The following SLURP2 variants were observed in gnomAD, a reference collection of about 807,000 sequenced individuals.
SLURP2 encodes secreted LY6/PLAUR domain containing 2.
In SLURP2, 4 loss-of-function variants were observed where a neutral mutation model predicts 9.8. The ratio of observed to expected loss-of-function variants is 0.41; its 90% CI spans 0.20 to 0.94. The LOEUF (loss-of-function observed/expected upper bound fraction) is 0.94, where lower values mean the gene tolerates loss of function less well. SLURP2 is among the 40% of genes least tolerant of loss of function. The pLI is 0.32. For synonymous variants in SLURP2, 58 were observed against 56.2 expected, an observed-to-expected ratio of 1.03 and a Z score of -0.15; for missense variants, 118 against 126.4, an observed-to-expected ratio of 0.93 and a Z score of 0.32.
intron 1 of SLURP2, among the ~76,000 whole-genome samples, chr8:142,766,837 T>C (rs1218320820): frequency 2.0e-5 from 3 of 152,166 alleles, no homozygotes; most frequent in Admixed American, 6.5e-5. Flanking sequence ...ACAAGGCCAA[T>C]GGTGTGGCCA....
intron 1 of SLURP2, 38 bp downstream of exon 1, chr8:142,769,717 G>A: frequency 1.3e-6 from 2 of 1,578,190 alleles, no homozygotes; most frequent in Non-Finnish European, 1.7e-6. Context: ...GAGTGATGGG[G>A]GCCTTGAGCA....
Position 142,765,067 on chromosome 8 carries a change from C to A in SLURP2, c.126G>T (p.Arg42Ser). The A allele has an allele frequency of 6.2e-7, 1 of 1,612,782 alleles. No homozygotes were observed. The highest frequency in any genetic ancestry group is 8.5e-7 in the Non-Finnish European group (1 of 1,179,794). Residue 42 changes from arginine to serine, a missense_variant, in exon 2 of 3, where the codon AGG becomes AGT. By Grantham distance (110) the Arg-to-Ser change is moderately radical (BLOSUM62 -1). Coordinates refer to ENST00000317543, the MANE Select transcript of SLURP2 (RefSeq NM_177458.3). The stretch of plus-strand genomic sequence containing the variant: ...CAGTGGTGACACAGTGGGTGGAGTC[C>A]CTCAGGCATCTGGATCCATGGGAGC... ...GGCSHGSRCLRDSTHCVTTAT... is the reference protein window; with the variant it reads ...GGCSHGSRCLSDSTHCVTTAT...
Position 142,764,756 on chromosome 8 carries a change from G to C in SLURP2, c.158-15C>G, listed in dbSNP as rs1409588857. ...GCTGAGGACCCCTGAGTGGGCAGGA[G>C]AGAAACCATGGAGCTCCCTGAGGCT... On this transcript the variant is annotated splice_polypyrimidine_tract_variant and intron_variant, in intron 2 of 2. Transcript: ENST00000317543. 4 of 1,612,012 alleles carry C rather than the reference G, an allele frequency of 2.5e-6. No homozygotes were observed. The East Asian group carries it at 8.9e-5, about 36-fold the overall frequency.
At position 142,768,890 on chromosome 8, in the gene SLURP2, G is replaced by T. The variant is rs945510011; in HGVS notation, c.52+865C>A. Reference sequence around the variant, plus strand: ...GACGCTCCACCCCCTGCTCATTCAGGGCCTGGGAGGCAGGGGCTGCCCAGG... The same window carrying T: ...GACGCTCCACCCCCTGCTCATTCAGTGCCTGGGAGGCAGGGGCTGCCCAGG... On this transcript the variant is annotated intron_variant, in intron 1 of 2. Transcript: ENST00000317543. This position sits in a 1 kb window ranked among gnomAD's most constrained non-coding sequence, Gnocchi z 4.8. 4.6e-5 allele frequency among the ~76,000 whole-genome samples: 7 copies of T among 152,242 alleles called. No homozygotes were observed. The highest frequency in any genetic ancestry group is 1.7e-4 in the African/African-American group (7 of 41,552).
rs930964770 is a variant in SLURP2, at chr8:142,768,995, G to A, written c.52+760C>T. Reference sequence around the variant, plus strand: ...CTTGGGCTTGGAGGTGCAGGCCACCGGCAGATCAAGGGGCCAGCTGGTTTT... The same window carrying A: ...CTTGGGCTTGGAGGTGCAGGCCACCAGCAGATCAAGGGGCCAGCTGGTTTT... On this transcript the variant is annotated intron_variant, in intron 1 of 2. Transcript: ENST00000317543. This position sits in a 1 kb window ranked among gnomAD's most constrained non-coding sequence, Gnocchi z 4.8. 4.6e-5 allele frequency among the ~76,000 whole-genome samples: 7 copies of A among 152,082 alleles called. No individual in the cohort carries two copies. The highest frequency in any genetic ancestry group is 2.1e-4 in the South Asian group (1 of 4,830).
chr8:142,765,289 G>C, intron 1 of SLURP2, 149 bp from the exon 2 acceptor site: 1 of 642,764 alleles, frequency 1.6e-6, no homozygotes, highest in South Asian at 1.9e-5. Flanking sequence ...GCCCTCTCAG[G>C]AGCTGGGCCC....
At position 142,768,799 on chromosome 8, in the gene SLURP2, G is replaced by A. The variant is rs1029482653; in HGVS notation, c.52+956C>T. On this transcript the variant is annotated intron_variant, in intron 1 of 2. Transcript: ENST00000317543. The surrounding 1 kb of genome is among the most constrained non-coding windows in gnomAD (Gnocchi z 4.8). ...CGGCTCAGCCTCTCATAGGCCAGGA[G>A]GGTGCCCCTGGGGATGGAGACTGGA... 2.6e-5 allele frequency among the ~76,000 whole-genome samples: 4 copies of A among 152,130 alleles called. No homozygotes were observed. Among genetic ancestry groups the A allele is most frequent in the African/African-American group, 9.7e-5 (4 of 41,420 alleles).
intron 2 of SLURP2, 105 bp downstream of exon 2, chr8:142,764,931 C>T: frequency 8.6e-7 from 1 of 1,165,412 alleles, no homozygotes; most frequent in South Asian, 1.4e-5. Flanking sequence ...CCCCACTATG[C>T]TTCTGACTTA....
chr8:142,768,220 G>C lies in SLURP2; in HGVS notation c.52+1535C>G, dbSNP rs1413373179. On this transcript the variant is annotated intron_variant, in intron 1 of 2. Coordinates refer to ENST00000317543, the MANE Select transcript of SLURP2 (RefSeq NM_177458.3). The surrounding 1 kb of genome is among the most constrained non-coding windows in gnomAD (Gnocchi z 4.8). ...GAGGGAGGAGGAATAGAGAGGAGGAGGGAGGTGGGGTGGGGGGGAGGGGGC... is the reference window on the plus strand; with the variant it reads ...GAGGGAGGAGGAATAGAGAGGAGGACGGAGGTGGGGTGGGGGGGAGGGGGC... Among the ~76,000 whole-genome samples the C allele has an allele frequency of 7.0e-6, 1 of 143,750 alleles. No individual in the cohort carries two copies. Among genetic ancestry groups the C allele is most frequent in the Non-Finnish European group, 1.5e-5 (1 of 65,732 alleles). The allele number at this position is 143,750 out of a possible 152,430, so 94.3% of individuals were successfully genotyped here. A position where few individuals can be genotyped will look rare whatever the true frequency, so the allele number is the denominator to read the frequency against.
Position 142,764,450 on chromosome 8 carries a change from C to T in SLURP2, c.*155G>A, listed in dbSNP as rs1031958953. 47 of 833,018 alleles carry T rather than the reference C, an allele frequency of 5.6e-5. No homozygotes were observed. Among genetic ancestry groups the T allele is most frequent in the South Asian group, 4.1e-4 (28 of 68,384 alleles). The allele number at this position is 833,018 out of a possible 1,614,324, so 51.6% of individuals were successfully genotyped here. On this transcript the variant is annotated 3_prime_UTR_variant, in exon 3 of 3. Transcript: ENST00000317543. ...CAGCAGATTGAGGCAAGACTCCACGCAGGACTTCCCTAGGACAAGCGGTGC... is the reference window on the plus strand; with the variant it reads ...CAGCAGATTGAGGCAAGACTCCACGTAGGACTTCCCTAGGACAAGCGGTGC...
At chr8:142,766,969 G>A (rs965926317) in intron 1 of SLURP2, among the ~76,000 whole-genome samples, 1 of 152,162 alleles carries the variant, frequency 6.6e-6, no homozygotes, top group Non-Finnish European at 1.5e-5. Flanking sequence ...TCCCATCTCT[G>A]CTGGGCTGCC....
At chr8:142,767,288 G>A (rs983131633) in intron 1 of SLURP2, among the ~76,000 whole-genome samples, 4 of 152,222 alleles carry the variant, frequency 2.6e-5, no homozygotes, top group East Asian at 1.9e-4. Context: ...CCCCACCTTC[G>A]AGAAAGAAAG....
chr8:142,769,349 C>T (rs895178386), intron 1 of SLURP2, among the ~76,000 whole-genome samples: 3 of 151,666 alleles, frequency 2.0e-5, no homozygotes, highest in African/African-American at 7.3e-5. Context: ...AAGAGGGAGT[C>T]CCGGGAGGGT....
chr8:142,769,817 T>C lies in SLURP2; in HGVS notation c.-11A>G, dbSNP rs776836467. 1.1e-4 allele frequency: 171 copies of C among 1,589,036 alleles called. No individual in the cohort carries two copies. Among genetic ancestry groups the C allele is most frequent in the Non-Finnish European group, 1.4e-4 (160 of 1,170,280 alleles). On this transcript the variant is annotated 5_prime_UTR_variant, in exon 1 of 3. Transcript: ENST00000317543. Reference sequence around the variant, plus strand: ...AGTGCCGAGCTGCATGTTCTCCTGGTGAGGTCGGGCTGTCGGCGCCCTGGC... The same window carrying C: ...AGTGCCGAGCTGCATGTTCTCCTGGCGAGGTCGGGCTGTCGGCGCCCTGGC...
At position 142,769,639 on chromosome 8, in the gene SLURP2, G is replaced by A. The variant is rs587643859; in HGVS notation, c.52+116C>T. The A allele has an allele frequency of 1.2e-4, 105 of 873,150 alleles. 1 individual carries two copies. In the South Asian group the frequency reaches 1.6e-3, roughly 13 times the overall value. 54.1% of individuals were successfully genotyped at this position (873,150 alleles called of 1,614,324 possible). A position where few individuals can be genotyped will look rare whatever the true frequency, so the allele number is the denominator to read the frequency against. ...AAAGCTGCACCTGGTAGATGGTGGG[G>A]GGACAGGAATGGGTTCTCCCGAGGT... On this transcript the variant is annotated intron_variant, in intron 1 of 2. Coordinates refer to ENST00000317543, the MANE Select transcript of SLURP2 (RefSeq NM_177458.3).
rs1815065021 is a variant in SLURP2, at chr8:142,768,277, G to A, written c.52+1478C>T. Among the ~76,000 whole-genome samples, 1 of 151,866 alleles carries A rather than the reference G, an allele frequency of 6.6e-6. No individual in the cohort carries two copies. Among genetic ancestry groups the A allele is most frequent in the South Asian group, 2.1e-4 (1 of 4,790 alleles). Reference sequence around the variant, plus strand: ...AATGGAGGGACAAACAGGATGGTGGGATGGGCTCTGGGTGTAGCTGCATGG... The same window carrying A: ...AATGGAGGGACAAACAGGATGGTGGAATGGGCTCTGGGTGTAGCTGCATGG... On this transcript the variant is annotated intron_variant, in intron 1 of 2. Coordinates refer to ENST00000317543, the MANE Select transcript of SLURP2 (RefSeq NM_177458.3). This position sits in a 1 kb window ranked among gnomAD's most constrained non-coding sequence, Gnocchi z 4.8.
intron 2 of SLURP2, 33 bp downstream of exon 2, chr8:142,765,003 G>T (rs1814953249): frequency 6.4e-7 from 1 of 1,552,296 alleles, no homozygotes; most frequent in Non-Finnish European, 8.8e-7. Context: ...TGGGCAAGAA[G>T]GACGTGGCCA....
rs1038612790 is a variant in SLURP2 at position 142,768,446 on chromosome 8, C to T, written c.52+1309G>A. On this transcript the variant is annotated intron_variant, in intron 1 of 2. Transcript: ENST00000317543. This position sits in a 1 kb window ranked among gnomAD's most constrained non-coding sequence, Gnocchi z 4.8. Reference sequence around the variant, plus strand: ...TGCAGGTGCCCCTGAGAGAGGCTCGCCAGTCCTCCAACCGGAAGAGCAGTG... The same window carrying T: ...TGCAGGTGCCCCTGAGAGAGGCTCGTCAGTCCTCCAACCGGAAGAGCAGTG... Among the ~76,000 whole-genome samples the T allele has an allele frequency of 1.3e-5, 2 of 152,022 alleles. No individual in the cohort carries two copies. Among genetic ancestry groups the T allele is most frequent in the South Asian group, 2.1e-4 (1 of 4,828 alleles).
rs1056648849 is a variant in SLURP2 at position 142,768,658 on chromosome 8, T to C, written c.52+1097A>G. Among the ~76,000 whole-genome samples, 3 of 152,064 alleles carry C rather than the reference T, an allele frequency of 2.0e-5. No individual in the cohort carries two copies. The highest frequency in any genetic ancestry group is 4.4e-5 in the Non-Finnish European group (3 of 67,990). On this transcript the variant is annotated intron_variant, in intron 1 of 2. Coordinates refer to ENST00000317543, the MANE Select transcript of SLURP2 (RefSeq NM_177458.3). The surrounding 1 kb of genome is among the most constrained non-coding windows in gnomAD (Gnocchi z 4.8). The stretch of plus-strand genomic sequence containing the variant: ...GGCCACCTGACTGCCTGTCCAGTCC[T>C]GATGGTTACAAAGGCCTTCTCCAGG...
Sources: allele counts gnomAD v4.1 joint callset (sites outside exome capture counted in the v4.1 genomes callset), GRCh38; gene constraint gnomAD v4.1.1; non-coding constraint Gnocchi (gnomAD v3.1); transcripts MANE v1.5; gene names NCBI Gene and HGNC (gene_info 2026-07-23, HGNC 2026-07-21).